The following THOC5 variants were observed in gnomAD, a reference collection of about 807,000 sequenced individuals.
THOC5 encodes the protein Fms-interacting protein.
In THOC5, 43 loss-of-function variants were observed where a neutral mutation model predicts 92.9. The ratio of observed to expected loss-of-function variants is 0.46; its 90% CI spans 0.36 to 0.60. The LOEUF (loss-of-function observed/expected upper bound fraction) is 0.60, where lower values mean the gene tolerates loss of function less well. THOC5 is among the 20% of genes least tolerant of loss of function. The pLI is 0.00. For synonymous variants in THOC5, 296 were observed against 320.1 expected (o/e 0.92, Z 0.80); for missense variants, 659 against 849.4 (o/e 0.78, Z 2.79).
chr22:29,517,411 G>A (rs368116676), intron 15 of THOC5, 45 bp from the exon 16 acceptor site: 13 of 1,551,720 alleles, frequency 8.4e-6, no homozygotes, highest in Non-Finnish European at 1.2e-5. Flanking sequence ...GAAATCAGGT[G>A]CCACAGATGG....
At position 29,506,871 on chromosome 22, in the gene THOC5, T is replaced by C. The variant is rs566740761; in HGVS notation, c.*1586A>G. 1 of 152,104 alleles carries C rather than the reference T, an allele frequency of 6.6e-6. No homozygotes were observed. Among genetic ancestry groups the C allele is most frequent in the Non-Finnish European group, 1.5e-5 (1 of 68,044 alleles). The allele number at this position is 152,104 out of a possible 1,614,324, so 9.4% of individuals were successfully genotyped here. A position where few individuals can be genotyped will look rare whatever the true frequency, so the allele number is the denominator to read the frequency against. ...TCTATTATATGCAGATTTCTTTTTT[T>C]AAAATTTTTTAGAGATAGGGACTCG... On this transcript the variant is annotated 3_prime_UTR_variant, in exon 20 of 20. Transcript: ENST00000490103.
intron 4 of THOC5, 82 bp from the exon 5 acceptor site, chr22:29,543,038 T>A: frequency 1.0e-6 from 1 of 976,052 alleles, no homozygotes; most frequent in Non-Finnish European, 1.6e-6. Flanking sequence ...AGAGAAGGTG[T>A]AAAGGGAATA....
chr22:29,539,150 C>A (rs564647518), intron 6 of THOC5, among the ~76,000 whole-genome samples, 180 bp downstream of exon 6: 1 of 151,250 alleles, frequency 6.6e-6, no homozygotes, highest in African/African-American at 2.4e-5. Context: ...CAATTATAAC[C>A]CCAACCCCAT....
chr22:29,548,161 C>A (rs549259660), intron 2 of THOC5, among the ~76,000 whole-genome samples: 2 of 152,134 alleles, frequency 1.3e-5, no homozygotes, highest in African/African-American at 4.8e-5. Context: ...CTGGGAGATA[C>A]AATTCAAGTT....
chr22:29,539,593 AAT>A, intron 5 of THOC5, 117 bp from the exon 6 acceptor site: 1 of 1,110,142 alleles, frequency 9.0e-7, no homozygotes, highest in Non-Finnish European at 1.3e-6. Flanking sequence ...AGGATCCTGG[AAT>A]CCAGTCTTCT....
chr22:29,540,438 C>A (rs978595746), intron 5 of THOC5, among the ~76,000 whole-genome samples: 6 of 152,164 alleles, frequency 3.9e-5, no homozygotes, highest in African/African-American at 1.4e-4. Context: ...GAGTTTTAAT[C>A]TCCATTTTTT....
chr22:29,528,376 C>T, intron 10 of THOC5, 50 bp downstream of exon 10: 1 of 1,614,064 alleles, frequency 6.2e-7, no homozygotes, highest in Non-Finnish European at 8.5e-7. Context: ...ACAAGCATGC[C>T]CCAGTGCATG....
chr22:29,549,233 TAC>T (rs2064092321), intron 1 of THOC5, 75 bp from the exon 2 acceptor site: 2 of 1,336,988 alleles, frequency 1.5e-6, no homozygotes, highest in Non-Finnish European at 1.1e-6. Flanking sequence ...TCTGGCCACT[TAC>T]AGACTTGGTA....
chr22:29,517,618 T>C (rs2063358980), intron 15 of THOC5, among the ~76,000 whole-genome samples: 1 of 152,218 alleles, frequency 6.6e-6, no homozygotes. Context: ...TTAATGCAAA[T>C]GATAGCCTGC....
At chr22:29,539,563 C>T (rs2063836142) in intron 5 of THOC5, 87 bp from the exon 6 acceptor site, 2 of 1,392,572 alleles carry the variant, frequency 1.4e-6, no homozygotes, top group Non-Finnish European at 2.0e-6. Flanking sequence ...CCAACATATG[C>T]CTGCTTAGTC....
At chr22:29,510,020 C>T (rs954352855) in intron 19 of THOC5, among the ~76,000 whole-genome samples, 2 of 152,200 alleles carry the variant, frequency 1.3e-5, no homozygotes, top group Admixed American at 6.5e-5. Flanking sequence ...CACTGCTCCC[C>T]GCCAACCTCA....
At chr22:29,541,357 A>G (rs1358849751) in intron 5 of THOC5, among the ~76,000 whole-genome samples, 1 of 151,764 alleles carries the variant, frequency 6.6e-6, no homozygotes, top group Non-Finnish European at 1.5e-5. Context: ...AATACAAAAA[A>G]TTAGCCAGGC....
intron 7 of THOC5, among the ~76,000 whole-genome samples, chr22:29,533,114 A>G (rs986866594): frequency 6.6e-6 from 1 of 152,246 alleles, no homozygotes; most frequent in African/African-American, 2.4e-5. Context: ...TCCAGGTAAC[A>G]ATTTATTCTA....
At chr22:29,529,296 G>GT in intron 8 of THOC5, 57 bp from the exon 9 acceptor site, 2 of 1,570,914 alleles carry the variant, frequency 1.3e-6, no homozygotes, top group Non-Finnish European at 1.8e-6. Flanking sequence ...GCTAAGCAGT[G>GT]TGAGTAGGCC....
chr22:29,508,189 G>C lies in THOC5; in HGVS notation c.*268C>G. The C allele has an allele frequency of 1.9e-6, 1 of 513,674 alleles. No homozygotes were observed. Among genetic ancestry groups the C allele is most frequent in the Admixed American group, 3.4e-5 (1 of 29,038 alleles). 31.8% of individuals were successfully genotyped at this position (513,674 alleles called of 1,614,324 possible). A position where few individuals can be genotyped will look rare whatever the true frequency, so the allele number is the denominator to read the frequency against. ...AGGTGAGCATCTCTCTGCAGAATTG[G>C]AATCTTTTTCCACTCTGCTTTTATT... On this transcript the variant is annotated 3_prime_UTR_variant, in exon 20 of 20. Transcript: ENST00000490103.
At chr22:29,537,768 G>T (rs2063789509) in intron 6 of THOC5, among the ~76,000 whole-genome samples, 1 of 152,014 alleles carries the variant, frequency 6.6e-6, no homozygotes, top group Non-Finnish European at 1.5e-5. Flanking sequence ...CACACGCCTT[G>T]TAGTCCCAGC....
intron 2 of THOC5, among the ~76,000 whole-genome samples, chr22:29,547,851 G>A (rs1452751430): frequency 1.3e-5 from 2 of 152,134 alleles, no homozygotes; most frequent in African/African-American, 4.8e-5. Context: ...TGAATTTACT[G>A]GATTAGTTTA....
intron 12 of THOC5, among the ~76,000 whole-genome samples, chr22:29,522,534 CCTT>C (rs1382785490): frequency 2.0e-5 from 3 of 152,144 alleles, no homozygotes; most frequent in Non-Finnish European, 4.4e-5. Flanking sequence ...GAAGGAATCA[CCTT>C]CTTGGCAAAA....
At chr22:29,518,963 T>C in intron 15 of THOC5, 43 bp downstream of exon 15, 2 of 1,234,974 alleles carry the variant, frequency 1.6e-6, no homozygotes, top group Non-Finnish European at 2.3e-6. Context: ...TGTCCGTGTG[T>C]TGTCTGAGTG....
Sources: gnomAD v4.1 joint callset for allele counts (sites outside exome capture counted in the v4.1 genomes callset) on GRCh38, gnomAD v4.1.1 for gene constraint, MANE v1.5 for transcripts, NCBI Gene and HGNC (gene_info 2026-07-23, HGNC 2026-07-21) for gene names.